Variants in CDH12 observed in about 807,000 individuals in gnomAD.
The protein encoded by CDH12 is cadherin 12.
In CDH12, 41 loss-of-function variants were observed where a neutral mutation model predicts 74.1. That is an observed-to-expected ratio of 0.55 (90% confidence interval 0.43 to 0.72). CDH12 has a LOEUF of 0.72. CDH12 is among the 30% of genes least tolerant of loss of function. The pLI is 0.00. For synonymous variants in CDH12, 399 were observed against 355.0 expected, an observed-to-expected ratio of 1.12 and a Z score of -1.39; for missense variants, 945 against 977.2, an observed-to-expected ratio of 0.97 and a Z score of 0.44.
intron 3 of CDH12, among the ~76,000 whole-genome samples, chr5:22,269,216 A>C (rs1246057856): frequency 6.6e-6 from 1 of 152,158 alleles, no homozygotes; most frequent in Non-Finnish European, 1.5e-5. Flanking sequence ...CCACTTGGCT[A>C]AAAATAAAAT....
chr5:21,929,807 C>T (rs1313621916), intron 6 of CDH12, among the ~76,000 whole-genome samples: 3 of 152,154 alleles, frequency 2.0e-5, no homozygotes, highest in Non-Finnish European at 2.9e-5. Context: ...GCATGAGCCA[C>T]AGTGTCCAGC....
chr5:22,335,041 T>C (rs1275135056), intron 3 of CDH12, among the ~76,000 whole-genome samples: 2 of 151,484 alleles, frequency 1.3e-5, no homozygotes, highest in Non-Finnish European at 2.9e-5. Context: ...AGGAAAAAAA[T>C]CAACAAAGTG....
At chr5:22,036,138 C>A (rs1739168148) in intron 5 of CDH12, among the ~76,000 whole-genome samples, 1 of 152,116 alleles carries the variant, frequency 6.6e-6, no homozygotes, top group Non-Finnish European at 1.5e-5. Flanking sequence ...ATGCTTTTTC[C>A]TGCAGCTTAC....
chr5:22,089,738 A>G (rs1298491627), intron 4 of CDH12, among the ~76,000 whole-genome samples: 1 of 152,198 alleles, frequency 6.6e-6, no homozygotes, highest in East Asian at 1.9e-4. Flanking sequence ...GGTACATTTT[A>G]GAACTACAGA....
intron 1 of CDH12, among the ~76,000 whole-genome samples, chr5:22,794,388 A>G (rs1158761108): frequency 6.6e-6 from 1 of 152,186 alleles, no homozygotes. Flanking sequence ...AATAGCCAAT[A>G]TAATTCTGCA....
chr5:21,837,258 T>C (rs551700481), intron 8 of CDH12, among the ~76,000 whole-genome samples: 1 of 152,162 alleles, frequency 6.6e-6, no homozygotes, highest in East Asian at 1.9e-4. Flanking sequence ...GTATGTGATA[T>C]CTCAGAAACT....
intron 1 of CDH12, among the ~76,000 whole-genome samples, chr5:22,686,882 A>G (rs931340418): frequency 3.3e-5 from 5 of 152,158 alleles, no homozygotes; most frequent in Admixed American, 6.5e-5. Flanking sequence ...GCTGTCATGG[A>G]AAATATTCTG....
intron 1 of CDH12, among the ~76,000 whole-genome samples, chr5:22,793,580 G>A (rs1464624717): frequency 1.3e-5 from 2 of 152,104 alleles, no homozygotes; most frequent in Non-Finnish European, 2.9e-5. Context: ...GTCACCAGGA[G>A]CTTATGAATA....
intron 1 of CDH12, among the ~76,000 whole-genome samples, chr5:22,550,738 A>C (rs559773807): frequency 2.6e-5 from 4 of 152,200 alleles, no homozygotes; most frequent in African/African-American, 9.7e-5. Flanking sequence ...ATCCAGTTAT[A>C]ACGTTTTTCT....
chr5:22,109,655 C>T (rs1045258083), intron 4 of CDH12, among the ~76,000 whole-genome samples: 1 of 152,118 alleles, frequency 6.6e-6, no homozygotes, highest in Non-Finnish European at 1.5e-5. Context: ...CAATTGGAAA[C>T]ACTCTGAATT....
chr5:22,657,634 A>G (rs1264143688), intron 1 of CDH12, among the ~76,000 whole-genome samples: 1 of 152,160 alleles, frequency 6.6e-6, no homozygotes, highest in African/African-American at 2.4e-5. Flanking sequence ...ATAGGGAAAT[A>G]TTTCTATGGT....
At chr5:22,362,742 T>C (rs944312075) in intron 3 of CDH12, among the ~76,000 whole-genome samples, 1 of 152,104 alleles carries the variant, frequency 6.6e-6, no homozygotes, top group Non-Finnish European at 1.5e-5. Context: ...CATGGAATAC[T>C]ATGCAGCCAT....
Position 22,307,873 on chromosome 5 carries a change from G to GTTTTTT in CDH12, c.-332-95236_-332-95231dup, listed in dbSNP as rs35242143. 1.8e-3 allele frequency among the ~76,000 whole-genome samples: 127 copies of GTTTTTT among 68,676 alleles called. 16 individuals carry two copies. Among genetic ancestry groups the GTTTTTT allele is most frequent in the South Asian group, 3.0e-3 (4 of 1,332 alleles). The allele number at this position is 68,676 out of a possible 152,430, so 45.1% of individuals were successfully genotyped here. A position where few individuals can be genotyped will look rare whatever the true frequency, so the allele number is the denominator to read the frequency against. On this transcript the variant is annotated intron_variant, in intron 3 of 14. Coordinates refer to ENST00000382254, the MANE Select transcript of CDH12 (RefSeq NM_004061.5). ...TATATATTTTTGCTGCTTTCTTTTA[G>GTTTTTT]TTTTTTTTTTTTTTTTTTTTTTTTT...
chr5:22,306,613 A>C (rs1738125933), intron 3 of CDH12, among the ~76,000 whole-genome samples: 1 of 152,192 alleles, frequency 6.6e-6, no homozygotes, highest in South Asian at 2.1e-4. Context: ...GAGGATGCTT[A>C]CAGTTTCTAG....
At chr5:22,268,858 C>CTTTA (rs1357614368) in intron 3 of CDH12, among the ~76,000 whole-genome samples, 13 of 152,066 alleles carry the variant, frequency 8.5e-5, no homozygotes, top group Non-Finnish European at 1.9e-4. Context: ...ATGCATCATA[C>CTTTA]TTTACATTAG....
At chr5:22,255,384 A>T (rs986066671) in intron 3 of CDH12, among the ~76,000 whole-genome samples, 1 of 151,832 alleles carries the variant, frequency 6.6e-6, no homozygotes, top group African/African-American at 2.4e-5. Flanking sequence ...TATTAATTAT[A>T]GATAGCATTT....
intron 3 of CDH12, among the ~76,000 whole-genome samples, chr5:22,222,746 A>G (rs188158151): frequency 6.6e-6 from 1 of 151,902 alleles, no homozygotes; most frequent in East Asian, 1.9e-4. Flanking sequence ...AGGATGATGG[A>G]TTGTGGTAAA....
intron 1 of CDH12, among the ~76,000 whole-genome samples, chr5:22,760,416 C>T (rs112501611): frequency 0.021 from 3,232 of 152,134 alleles, 50 homozygotes; most frequent in Non-Finnish European, 0.033. Context: ...CGCGGTGGCT[C>T]CCGCCTGTAA....
chr5:22,802,536 T>C (rs1041502595), intron 1 of CDH12, among the ~76,000 whole-genome samples: 1 of 152,144 alleles, frequency 6.6e-6, no homozygotes, highest in African/African-American at 2.4e-5. Context: ...TAGGATATTG[T>C]CTCCTATCCT....
Sources: gnomAD v4.1 joint callset for allele counts (sites outside exome capture counted in the v4.1 genomes callset) on GRCh38, gnomAD v4.1.1 for gene constraint, MANE v1.5 for transcripts, NCBI Gene and HGNC (gene_info 2026-07-23, HGNC 2026-07-21) for gene names.